Variants in CELF2 observed in about 807,000 individuals in gnomAD.
CELF2 encodes the protein CUGBP Elav-like family member 2.
CELF2 carries 8 observed loss-of-function variants against 62.6 expected under a neutral mutation model. That is an observed-to-expected ratio of 0.13 (90% CI 0.07 to 0.23). The LOEUF (loss-of-function observed/expected upper bound fraction) is 0.23. Ranked by LOEUF, CELF2 falls within the 10% of genes least tolerant of loss-of-function variation. The probability of loss-of-function intolerance (pLI) is 1.00; values close to 1 mark genes in which losing one functional copy is unlikely to be tolerated. For missense variants in CELF2, 333 were observed against 671.0 expected (o/e 0.50, Z 5.56); for synonymous variants, 258 against 250.0 (o/e 1.03, Z -0.30).
chr10:11,192,807 C>A (rs2076560004), intron 2 of CELF2, among the ~76,000 whole-genome samples: 1 of 152,132 alleles, frequency 6.6e-6, no homozygotes, highest in African/African-American at 2.4e-5. Flanking sequence ...TACCAGTGTC[C>A]CAACCCCACC....
the CELF2 span, among the ~76,000 whole-genome samples, chr10:10,708,216 A>G: frequency 5.8e-3 from 879 of 152,320 alleles, 8 homozygotes; most frequent in African/African-American, 0.02. Flanking sequence ...CCTAGTCCAC[A>G]AGCTCAGAAA....
chr10:11,260,501 C>G lies in CELF2; in HGVS notation c.538+2629C>G, dbSNP rs1388754054. On this transcript the variant is annotated intron_variant, in intron 5 of 12. Coordinates refer to ENST00000633077, the MANE Select transcript of CELF2 (RefSeq NM_001326342.2). The surrounding 1 kb of genome is among the most constrained non-coding windows in gnomAD (Gnocchi z 4.2). ...CGCAGTACTTAACAAGAGAACTTAG[C>G]TAATTTGATCTGCCATTTGGTTGAT... Among the ~76,000 whole-genome samples, 1 of 152,178 alleles carries G rather than the reference C, an allele frequency of 6.6e-6. No homozygotes were observed. The highest frequency in any genetic ancestry group is 1.5e-5 in the Non-Finnish European group (1 of 68,030).
the CELF2 span, among the ~76,000 whole-genome samples, chr10:10,549,531 G>C: frequency 1.3e-5 from 2 of 152,218 alleles, no homozygotes; most frequent in East Asian, 1.9e-4. Context: ...TGATCCACTT[G>C]CCTTGGCCTC....
chr10:10,740,646 A>G, the CELF2 span, among the ~76,000 whole-genome samples: 1 of 152,230 alleles, frequency 6.6e-6, no homozygotes, highest in Non-Finnish European at 1.5e-5. Context: ...AACAGTATTT[A>G]CAATAGTCAA....
intron 8 of CELF2, among the ~76,000 whole-genome samples, chr10:11,284,449 GGT>G (rs2139419403): frequency 1.3e-5 from 2 of 150,196 alleles, no homozygotes; most frequent in East Asian, 2.0e-4. Context: ...GTGTGTGGTG[GGT>G]GGATGAGGGA....
At chr10:10,560,105 G>T in the CELF2 span, among the ~76,000 whole-genome samples, 1 of 152,070 alleles carries the variant, frequency 6.6e-6, no homozygotes, top group Non-Finnish European at 1.5e-5. Context: ...TATGGCTCTG[G>T]ACAGGCTTCC....
chr10:10,499,183 CAG>C, the CELF2 span, among the ~76,000 whole-genome samples: 9 of 151,744 alleles, frequency 5.9e-5, no homozygotes, highest in Non-Finnish European at 8.8e-5. Flanking sequence ...TCTTGTGCCT[CAG>C]CCTCCCAAGT....
chr10:10,607,513 A>G, the CELF2 span, among the ~76,000 whole-genome samples: 1 of 152,160 alleles, frequency 6.6e-6, no homozygotes, highest in Non-Finnish European at 1.5e-5. Context: ...ATTCATCCTG[A>G]TTTCCCCCAA....
chr10:11,202,892 C>G (rs2059531543), intron 2 of CELF2, among the ~76,000 whole-genome samples: 1 of 148,708 alleles, frequency 6.7e-6, no homozygotes, highest in South Asian at 2.2e-4. Flanking sequence ...CCTTCCCACC[C>G]CCATCCTCAT....
the CELF2 span, among the ~76,000 whole-genome samples, chr10:10,502,656 CT>C: frequency 1.3e-5 from 2 of 151,838 alleles, no homozygotes; most frequent in Non-Finnish European, 1.5e-5. Flanking sequence ...TTTGCATATT[CT>C]TTTTTTCTTT....
At chr10:10,525,047 G>A in the CELF2 span, among the ~76,000 whole-genome samples, 130,614 of 152,206 alleles carry the variant, frequency 0.86, 57,990 homozygotes, top group South Asian at 0.97. Flanking sequence ...ATGGGATACA[G>A]TGCAATGTTT....
At chr10:11,025,584 TA>T (rs1391966227) in intron 1 of CELF2, among the ~76,000 whole-genome samples, 2 of 152,146 alleles carry the variant, frequency 1.3e-5, no homozygotes, top group Admixed American at 6.5e-5. Flanking sequence ...GTGAGTTGAG[TA>T]AAACTCTCTT....
the CELF2 span, among the ~76,000 whole-genome samples, chr10:10,532,886 C>CAAAAA: frequency 3.6e-5 from 5 of 137,566 alleles, no homozygotes; most frequent in East Asian, 2.2e-4. Flanking sequence ...GACAAAATCT[C>CAAAAA]AAAAAAAAAA....
At position 11,129,550 on chromosome 10, in the gene CELF2, TC is replaced by T. The variant is rs528229454; in HGVS notation, c.75-35935del. Among the ~76,000 whole-genome samples the T allele has an allele frequency of 4.2e-3, 646 of 152,334 alleles. 4 individuals carry two copies. Among genetic ancestry groups the T allele is most frequent in the African/African-American group, 0.015 (615 of 41,572 alleles). ...GTAGGCTATTATTATTGCCTCCATT[TC>T]AGAGCCTGTTAATGGTCTGTTCAGA... On this transcript the variant is annotated intron_variant, in intron 1 of 12. Transcript: ENST00000633077.
At chr10:10,646,519 TACA>T in the CELF2 span, among the ~76,000 whole-genome samples, 1 of 152,236 alleles carries the variant, frequency 6.6e-6, no homozygotes, top group African/African-American at 2.4e-5. Flanking sequence ...GTTCCATTGC[TACA>T]ACACTTGGTA....
At chr10:10,615,829 C>T in the CELF2 span, among the ~76,000 whole-genome samples, 1 of 152,100 alleles carries the variant, frequency 6.6e-6, no homozygotes, top group Non-Finnish European at 1.5e-5. Flanking sequence ...CCCAATTAAA[C>T]CTCTTTTCTT....
At chr10:11,007,802 T>G (rs201117) in intron 1 of CELF2, among the ~76,000 whole-genome samples, 1 of 152,048 alleles carries the variant, frequency 6.6e-6, no homozygotes, top group Non-Finnish European at 1.5e-5. Context: ...GCTCCCTAGC[T>G]GCTTGTCCGT....
In CELF2 at chr10:11,329,178, A is replaced by G. The variant is rs2095913473; in HGVS notation, c.*125A>G. The stretch of plus-strand genomic sequence containing the variant: ...CCAACTTTTACCAAGAGAGACGGTT[A>G]TTTTTACAATAAGGCCTCCATGTCC... On this transcript the variant is annotated 3_prime_UTR_variant, in exon 13 of 13. Coordinates refer to ENST00000633077, the MANE Select transcript of CELF2 (RefSeq NM_001326342.2). The surrounding 1 kb of genome is among the most constrained non-coding windows in gnomAD (Gnocchi z 5.5). The G allele has an allele frequency of 9.7e-7, 1 of 1,032,046 alleles. No homozygotes were observed. Among genetic ancestry groups the G allele is most frequent in the East Asian group, 2.7e-5 (1 of 36,924 alleles). 63.9% of individuals were successfully genotyped at this position (1,032,046 alleles called of 1,614,324 possible). A position where few individuals can be genotyped will look rare whatever the true frequency, so the allele number is the denominator to read the frequency against.
intron 1 of CELF2, among the ~76,000 whole-genome samples, chr10:11,139,943 T>C (rs572915876): frequency 6.6e-6 from 1 of 152,212 alleles, no homozygotes; most frequent in East Asian, 1.9e-4. Flanking sequence ...CCACTGTTAA[T>C]ATGGTAGAGT....
Sources: gnomAD v4.1 joint callset for allele counts (sites outside exome capture counted in the v4.1 genomes callset) on GRCh38, gnomAD v4.1.1 for gene constraint, Gnocchi (gnomAD v3.1) non-coding constraint, MANE v1.5 for transcripts, NCBI Gene and HGNC (gene_info 2026-07-23, HGNC 2026-07-21) for gene names.